Variants in RBFOX3 observed in about 807,000 individuals in gnomAD.
RBFOX3 encodes RNA binding protein fox-1 homolog 3.
RBFOX3 carries 17 observed loss-of-function variants against 48.7 expected under a neutral mutation model. That is an observed-to-expected ratio of 0.35 (90% confidence interval 0.24 to 0.52). The LOEUF (loss-of-function observed/expected upper bound fraction) is 0.52, where lower values mean the gene tolerates loss of function less well. Among genes scored for constraint, RBFOX3 ranks in the 20% least tolerant of loss-of-function variants. The probability of loss-of-function intolerance (pLI) is 0.94; values close to 1 mark genes in which losing one functional copy is unlikely to be tolerated. For missense variants in RBFOX3, 382 were observed against 497.5 expected (o/e 0.77, Z 2.21); for synonymous variants, 212 against 209.5 (o/e 1.01, Z -0.10).
chr17:79,398,622 G>A (rs576805720), intron 2 of RBFOX3, among the ~76,000 whole-genome samples: 4 of 152,342 alleles, frequency 2.6e-5, no homozygotes, highest in African/African-American at 7.2e-5. Flanking sequence ...GCCCTGCAGC[G>A]TACAGGGCGG....
chr17:79,661,066 G>A, the RBFOX3 span, among the ~76,000 whole-genome samples: 7 of 152,286 alleles, frequency 4.6e-5, no homozygotes, highest in African/African-American at 1.7e-4. Context: ...ATAAGTAGGA[G>A]CTGAATGATG....
At chr17:79,101,262 T>C (rs571360544) in intron 9 of RBFOX3, among the ~76,000 whole-genome samples, 1 of 152,252 alleles carries the variant, frequency 6.6e-6, no homozygotes, top group East Asian at 1.9e-4. Context: ...TCAGTCCTAA[T>C]CCAGGAAGGC....
At chr17:79,636,915 T>C in the RBFOX3 span, among the ~76,000 whole-genome samples, 1 of 152,146 alleles carries the variant, frequency 6.6e-6, no homozygotes, top group East Asian at 1.9e-4. Flanking sequence ...ATGCTGCCTA[T>C]AAGAGACTCG....
At chr17:79,395,585 T>G (rs146465394) in intron 2 of RBFOX3, among the ~76,000 whole-genome samples, 73 of 152,314 alleles carry the variant, frequency 4.8e-4, no homozygotes, top group Non-Finnish European at 3.8e-4. Context: ...CACTGGATGG[T>G]GACAGCTGGC....
chr17:79,356,372 T>TTTTTTTTTTTG (rs2085092435), intron 2 of RBFOX3, among the ~76,000 whole-genome samples: 8 of 73,938 alleles, frequency 1.1e-4, no homozygotes, highest in East Asian at 5.4e-4. Flanking sequence ...TTTTTTTTTT[T>TTTTTTTTTTTG]TTTTTTTTTT....
intron 4 of RBFOX3, among the ~76,000 whole-genome samples, chr17:79,190,389 C>G (rs1599885539): frequency 1.8e-5 from 2 of 112,104 alleles, no homozygotes; most frequent in African/African-American, 7.2e-5. Flanking sequence ...CCAGCCTGGG[C>G]AACAAGAGTA....
intron 4 of RBFOX3, among the ~76,000 whole-genome samples, chr17:79,200,162 C>CATAAAA (rs2056511476): frequency 9.0e-6 from 1 of 110,980 alleles, no homozygotes; most frequent in South Asian, 3.2e-4. Context: ...GACTCCGTCT[C>CATAAAA]AAAAAAAAAA....
At chr17:79,377,866 T>C (rs2059410370) in intron 2 of RBFOX3, among the ~76,000 whole-genome samples, 1 of 152,178 alleles carries the variant, frequency 6.6e-6, no homozygotes, top group Admixed American at 6.5e-5. Context: ...CTGGGTCACC[T>C]GAGAATTCCC....
intron 4 of RBFOX3, among the ~76,000 whole-genome samples, chr17:79,120,050 G>A (rs1244352018): frequency 6.6e-6 from 1 of 152,204 alleles, no homozygotes; most frequent in Non-Finnish European, 1.5e-5. Flanking sequence ...AGGTCTGCTA[G>A]GGTCAGAGTC....
intron 1 of RBFOX3, among the ~76,000 whole-genome samples, chr17:79,531,905 G>A (rs956303455): frequency 2.6e-5 from 4 of 152,288 alleles, no homozygotes; most frequent in African/African-American, 9.6e-5. Flanking sequence ...CTGACCACCC[G>A]CTCCGCACAC....
rs1042033166 is a variant in RBFOX3 at position 79,111,733 on chromosome 17, C to T, written c.222+3761G>A. ...CAGGCGTGAGCCAACATGCCCGGCC[C>T]GTTAGCAAGCTGAGGGTCCCTTGAG... On this transcript the variant is annotated intron_variant, in intron 5 of 14. Transcript: ENST00000693108. The surrounding 1 kb of genome is among the most constrained non-coding windows in gnomAD (Gnocchi z 4.2). 3.9e-5 allele frequency among the ~76,000 whole-genome samples: 6 copies of T among 152,340 alleles called. No individual in the cohort carries two copies. The highest frequency in any genetic ancestry group is 6.5e-5 in the Admixed American group (1 of 15,308).
intron 1 of RBFOX3, among the ~76,000 whole-genome samples, chr17:79,539,032 T>C (rs1555789489): frequency 1.3e-5 from 2 of 152,116 alleles, no homozygotes; most frequent in African/African-American, 4.8e-5. Context: ...TGCTGAGATG[T>C]TTTATATGCT....
chr17:79,546,867 T>A (rs1166290525), intron 1 of RBFOX3, among the ~76,000 whole-genome samples: 5 of 151,708 alleles, frequency 3.3e-5, no homozygotes, highest in African/African-American at 1.2e-4. Context: ...GCGGGGTTTC[T>A]CCATGTTGGT....
intron 2 of RBFOX3, among the ~76,000 whole-genome samples, chr17:79,382,401 CT>C (rs1204095810): frequency 6.6e-6 from 1 of 152,258 alleles, no homozygotes; most frequent in African/African-American, 2.4e-5. Context: ...CAGCCTGTAT[CT>C]TGTCATGACA....
In RBFOX3 at chr17:79,091,025, C is replaced by A. The variant is rs2073783121; in HGVS notation, c.1078-140G>T. On this transcript the variant is annotated intron_variant, in intron 14 of 14. Coordinates refer to ENST00000693108, the MANE Select transcript of RBFOX3 (RefSeq NM_001350451.2). ...CACCTGCCCCCCAGGTTTCCAGGAC[C>A]CTCATCTTCCAGGGCTGAGTGTGGG... 3.6e-6 allele frequency: 3 copies of A among 843,472 alleles called. No individual in the cohort carries two copies. The African/African-American group carries it at 5.2e-5, about 15-fold the overall frequency. The allele number at this position is 843,472 out of a possible 1,614,324, so 52.2% of individuals were successfully genotyped here.
At chr17:79,160,007 G>T (rs1282053597) in intron 4 of RBFOX3, among the ~76,000 whole-genome samples, 4 of 152,246 alleles carry the variant, frequency 2.6e-5, no homozygotes, top group Non-Finnish European at 4.4e-5. Context: ...ACGGAGGGCA[G>T]CTCTGCTCAG....
intron 4 of RBFOX3, among the ~76,000 whole-genome samples, chr17:79,153,022 C>A (rs1051497688): frequency 6.6e-6 from 1 of 152,208 alleles, no homozygotes. Flanking sequence ...ACCCTACTCC[C>A]TAAGTGCAGG....
At chr17:79,166,474 A>AGGG in intron 4 of RBFOX3, among the ~76,000 whole-genome samples, 1 of 151,808 alleles carries the variant, frequency 6.6e-6, no homozygotes, top group East Asian at 2.0e-4. Flanking sequence ...CCACAGATGA[A>AGGG]GGGGAGTCCA....
chr17:79,510,678 C>G (rs942194658), intron 1 of RBFOX3, among the ~76,000 whole-genome samples: 2 of 152,188 alleles, frequency 1.3e-5, no homozygotes, highest in Admixed American at 6.5e-5. Context: ...ACCAGTGCAT[C>G]TTAAACAGGG....
Sources: gnomAD v4.1 joint callset for allele counts (sites outside exome capture counted in the v4.1 genomes callset) on GRCh38, gnomAD v4.1.1 for gene constraint, Gnocchi (gnomAD v3.1) non-coding constraint, MANE v1.5 for transcripts, NCBI Gene and HGNC (gene_info 2026-07-23, HGNC 2026-07-21) for gene names.